The following NRG1 variants were observed in gnomAD, a reference collection of about 807,000 sequenced individuals.
The protein encoded by NRG1 is pro-neuregulin-1, membrane-bound isoform.
NRG1 carries 18 observed loss-of-function variants against 63.8 expected under a neutral mutation model. That is an observed-to-expected ratio of 0.28 (90% CI 0.19 to 0.42). NRG1 has a LOEUF of 0.42. Among genes scored for constraint, NRG1 ranks in the 10% least tolerant of loss-of-function variants. The pLI is 1.00. For missense variants in NRG1, 762 were observed against 814.7 expected (o/e 0.94, Z 0.79); for synonymous variants, 302 against 301.3 (o/e 1.00, Z -0.02).
chr8:32,257,929 C>A (rs1586444489), intron 1 of NRG1, among the ~76,000 whole-genome samples: 1 of 152,266 alleles, frequency 6.6e-6, no homozygotes, highest in East Asian at 1.9e-4. Flanking sequence ...AAAACCATGA[C>A]CATGTGTTAA....
chr8:32,704,306 C>T (rs1815759544), intron 5 of NRG1, among the ~76,000 whole-genome samples: 1 of 152,168 alleles, frequency 6.6e-6, no homozygotes, highest in Non-Finnish European at 1.5e-5. Flanking sequence ...AGAGTTGAAT[C>T]TTCAAAATGA....
At chr8:31,745,663 G>A (rs1239429313) in intron 1 of NRG1, among the ~76,000 whole-genome samples, 1 of 151,786 alleles carries the variant, frequency 6.6e-6, no homozygotes, top group Non-Finnish European at 1.5e-5. Context: ...ATTCTTTGAG[G>A]GGCATTAATA....
chr8:32,181,694 A>G (rs1418747945), intron 1 of NRG1, among the ~76,000 whole-genome samples: 1 of 152,250 alleles, frequency 6.6e-6, no homozygotes, highest in African/African-American at 2.4e-5. Context: ...TTAATCTCTC[A>G]TGAAGTCACA....
chr8:32,180,284 C>G (rs1841293602), intron 1 of NRG1, among the ~76,000 whole-genome samples: 1 of 152,130 alleles, frequency 6.6e-6, no homozygotes, highest in South Asian at 2.1e-4. Flanking sequence ...AATTACCCTT[C>G]CAATTTTCTC....
At chr8:32,104,586 C>T (rs1432407471) in intron 1 of NRG1, among the ~76,000 whole-genome samples, 1 of 152,054 alleles carries the variant, frequency 6.6e-6, no homozygotes, top group Non-Finnish European at 1.5e-5. Context: ...GACTCTTTTT[C>T]AATAATAGCT....
At chr8:31,906,007 G>A (rs1832490549) in intron 1 of NRG1, among the ~76,000 whole-genome samples, 1 of 152,154 alleles carries the variant, frequency 6.6e-6, no homozygotes, top group South Asian at 2.1e-4. Context: ...TTAGCCATTA[G>A]CCTTGTAACA....
intron 5 of NRG1, among the ~76,000 whole-genome samples, chr8:32,617,571 T>C (rs1847600209): frequency 6.6e-6 from 1 of 152,228 alleles, no homozygotes; most frequent in African/African-American, 2.4e-5. Context: ...ATTGAGAATA[T>C]CATCGTATTA....
At chr8:32,673,129 G>A (rs945165179) in intron 5 of NRG1, among the ~76,000 whole-genome samples, 2 of 152,182 alleles carry the variant, frequency 1.3e-5, no homozygotes, top group Non-Finnish European at 2.9e-5. Context: ...ACCACAAAGC[G>A]AGTTATTTTA....
chr8:31,943,919 T>C (rs1351722539), intron 1 of NRG1, among the ~76,000 whole-genome samples: 1 of 152,208 alleles, frequency 6.6e-6, no homozygotes, highest in African/African-American at 2.4e-5. Context: ...TCACATTTTG[T>C]GAGGTGGCTG....
Position 32,241,314 on chromosome 8 carries a change from T to A in NRG1, c.38-354514T>A, listed in dbSNP as rs564381128. ...AATTTCTAAGTAAAATGCAATGCAA[T>A]AAATTACTTAAGAATTCTCTATATT... is the stretch of plus-strand genomic sequence containing the variant. On this transcript the variant is annotated intron_variant, in intron 1 of 10. Transcript: ENST00000519301. Among the ~76,000 whole-genome samples the A allele has an allele frequency of 3.9e-5, 6 of 152,326 alleles. No individual in the cohort carries two copies. The East Asian group carries it at 9.7e-4, about 25-fold the overall frequency.
chr8:31,785,037 G>A (rs1017800814), intron 1 of NRG1, among the ~76,000 whole-genome samples: 1 of 152,122 alleles, frequency 6.6e-6, no homozygotes, highest in East Asian at 1.9e-4. Context: ...CCCCAGAATG[G>A]CAATGTGTTA....
intron 1 of NRG1, among the ~76,000 whole-genome samples, chr8:32,177,600 G>A (rs570769271): frequency 1.4e-4 from 21 of 151,870 alleles, no homozygotes; most frequent in African/African-American, 3.6e-4. Context: ...GTGTCCATGT[G>A]TTCTCATTGT....
At chr8:31,822,560 G>A (rs1036968800) in intron 1 of NRG1, among the ~76,000 whole-genome samples, 11 of 152,236 alleles carry the variant, frequency 7.2e-5, no homozygotes, top group African/African-American at 1.7e-4. Flanking sequence ...CCTCCCAGTC[G>A]TACTGGAGAT....
At chr8:31,836,162 C>A (rs1825672730) in intron 1 of NRG1, among the ~76,000 whole-genome samples, 1 of 152,114 alleles carries the variant, frequency 6.6e-6, no homozygotes, top group Admixed American at 6.6e-5. Flanking sequence ...GGTCTCTTGA[C>A]TTCTAGTTCA....
chr8:31,728,964 CTG>C (rs1359239556), intron 1 of NRG1, among the ~76,000 whole-genome samples: 2 of 152,116 alleles, frequency 1.3e-5, no homozygotes, highest in South Asian at 2.1e-4. Context: ...CATGTTGACT[CTG>C]AGTTAGAAGA....
At chr8:32,643,489 G>A (rs1852829857) in intron 5 of NRG1, among the ~76,000 whole-genome samples, 1 of 152,200 alleles carries the variant, frequency 6.6e-6, no homozygotes, top group Non-Finnish European at 1.5e-5. Context: ...TCTAGCAGCA[G>A]CTGCCGGTCG....
At chr8:32,336,237 AC>A (rs1217750939) in intron 1 of NRG1, among the ~76,000 whole-genome samples, 2 of 151,814 alleles carry the variant, frequency 1.3e-5, no homozygotes, top group Admixed American at 6.6e-5. Context: ...TCCATCATCC[AC>A]TCCCTTGCTC....
chr8:32,446,270 G>A (rs1820234422), intron 1 of NRG1, among the ~76,000 whole-genome samples: 2 of 152,168 alleles, frequency 1.3e-5, no homozygotes, highest in Admixed American at 6.5e-5. Context: ...TTCAGAAGCA[G>A]CCGAGTGATT....
chr8:31,839,417 G>C (rs1825985466), intron 1 of NRG1, among the ~76,000 whole-genome samples: 1 of 152,092 alleles, frequency 6.6e-6, no homozygotes, highest in Admixed American at 6.5e-5. Context: ...GTATGCTTGT[G>C]CTTCTTTTTT....
Sources: gnomAD v4.1 joint callset for allele counts (sites outside exome capture counted in the v4.1 genomes callset) on GRCh38, gnomAD v4.1.1 for gene constraint, MANE v1.5 for transcripts, NCBI Gene and HGNC (gene_info 2026-07-23, HGNC 2026-07-21) for gene names.